Variants in TG observed in about 807,000 individuals in gnomAD.
TG encodes thyroid hormones.
A neutral mutation model predicts 324.7 loss-of-function variants in TG; 270 were observed. That is an observed-to-expected ratio of 0.83 (90% CI 0.75 to 0.92). The LOEUF is 0.92. Among genes scored for constraint, TG ranks in the 40% least tolerant of loss-of-function variants. The pLI is 0.00. For synonymous variants in TG, 1,401 were observed against 1,327.0 expected, an observed-to-expected ratio of 1.06 and a Z score of -1.21; for missense variants, 3,591 against 3,456.4, an observed-to-expected ratio of 1.04 and a Z score of -0.98.
rs1834740501 is a variant in TG at position 133,013,685 on chromosome 8, A to G, written c.6483A>G (p.Gln2161=). Residue 2161 remains glutamine, a synonymous_variant, in exon 37 of 48, where the codon CAA becomes CAG. Coordinates refer to ENST00000220616, the MANE Select transcript of TG (RefSeq NM_003235.5). ...GATGTATGTTCTATGCTGATACTCA[A>G]AGCTGCACACATAGTCTGCAGGGTC... is the stretch of plus-strand genomic sequence containing the variant. The part of the protein sequence containing the change: ...AVRCMFYADT[Q]SCTHSLQGQN... The G allele has an allele frequency of 2.5e-6, 4 of 1,614,084 alleles. No homozygotes were observed. The highest frequency in any genetic ancestry group is 1.7e-5 in the Admixed American group (1 of 60,010).
At chr8:132,932,057 G>A (rs1022638910) in intron 23 of TG, among the ~76,000 whole-genome samples, 1 of 152,186 alleles carries the variant, frequency 6.6e-6, no homozygotes, top group Non-Finnish European at 1.5e-5. Context: ...TCGTGCTAAT[G>A]CACTCCAGCC....
chr8:132,893,480 T>G (rs1359022431), intron 10 of TG, among the ~76,000 whole-genome samples: 1 of 106,828 alleles, frequency 9.4e-6, no homozygotes, highest in African/African-American at 3.7e-5. Flanking sequence ...TGTATGTGTG[T>G]GGTGTGGTGT....
At chr8:132,998,880 A>T (rs1046573087) in intron 35 of TG, among the ~76,000 whole-genome samples, 4 of 152,206 alleles carry the variant, frequency 2.6e-5, no homozygotes, top group Non-Finnish European at 5.9e-5. Context: ...CAGAGTTTCA[A>T]ATGGGCTTCT....
chr8:133,074,908 G>A, intron 41 of TG: 2 of 985,594 alleles, frequency 2.0e-6, no homozygotes, highest in South Asian at 9.4e-5. Flanking sequence ...ATTGCTGGGT[G>A]CAGAGTCACT....
At chr8:133,004,445 C>A (rs1833843675) in intron 35 of TG, among the ~76,000 whole-genome samples, 1 of 152,272 alleles carries the variant, frequency 6.6e-6, no homozygotes, top group Non-Finnish European at 1.5e-5. Flanking sequence ...CCTCTGTAAC[C>A]TTGGGGGTGC....
chr8:132,886,783 C>T lies in TG; in HGVS notation c.1411C>T (p.Leu471Phe). The T allele has an allele frequency of 6.2e-7, 1 of 1,614,198 alleles. No individual in the cohort carries two copies. The highest frequency in any genetic ancestry group is 8.5e-7 in the Non-Finnish European group (1 of 1,180,046). ...CAACCCAAAGAGACTCCAGCAAAAC[C>T]TTTTTGGAGGGAAATTTTTGGTGAA... ...TTNPKRLQQN[L>F]FGGKFLVNVG... The change falls in exon 9 of 48, where the codon CTT becomes TTT. Residue 471 changes from leucine to phenylalanine, a missense_variant. By Grantham distance (22) the Leu-to-Phe change is conservative. Transcript: ENST00000220616.
intron 41 of TG, among the ~76,000 whole-genome samples, chr8:133,042,678 CTTTTT>C (rs58739514): frequency 3.5e-5 from 2 of 56,728 alleles, no homozygotes; most frequent in Admixed American, 2.7e-4. Flanking sequence ...CATTCTGTGT[CTTTTT>C]TTTTTTTTTT....
intron 22 of TG, among the ~76,000 whole-genome samples, chr8:132,927,604 C>A (rs1025659274): frequency 6.6e-6 from 1 of 152,172 alleles, no homozygotes; most frequent in Non-Finnish European, 1.5e-5. Flanking sequence ...TGTTTCTGTT[C>A]TGCTTGGCCA....
intron 34 of TG, among the ~76,000 whole-genome samples, chr8:132,973,988 CTTTTTT>C (rs869164425): frequency 1.8e-5 from 2 of 113,010 alleles, no homozygotes; most frequent in African/African-American, 7.8e-5. Context: ...TTGACCATTC[CTTTTTT>C]TTTTTTTTTT....
At chr8:133,088,198 A>G (rs1021061850) in intron 41 of TG, among the ~76,000 whole-genome samples, 2 of 152,050 alleles carry the variant, frequency 1.3e-5, no homozygotes, top group Non-Finnish European at 2.9e-5. Context: ...CAGACATAAC[A>G]TGGTGTGTTT....
chr8:132,869,828 T>C lies in TG; in HGVS notation c.274+2T>C. The stretch of plus-strand genomic sequence containing the variant: ...GGCAGCCAGGACGGCCTGTGGCTTG[T>C]AAGTGGGAGTGGGGGACGTCCCTTG... On this transcript the variant is annotated splice_donor_variant, in intron 3 of 47. Transcript: ENST00000220616. LOFTEE classifies it high-confidence loss of function. 1.2e-6 allele frequency: 2 copies of C among 1,613,618 alleles called. No homozygotes were observed. The highest frequency in any genetic ancestry group is 1.1e-5 in the South Asian group (1 of 91,062).
intron 23 of TG, among the ~76,000 whole-genome samples, chr8:132,931,063 TA>T (rs1822648469): frequency 6.6e-6 from 1 of 152,210 alleles, no homozygotes; most frequent in Non-Finnish European, 1.5e-5. Flanking sequence ...GATTTTCTTG[TA>T]ATTCTGGAGG....
At chr8:132,967,688 A>T (rs970855818) in intron 30 of TG, 106 bp from the exon 31 acceptor site, 2 of 1,280,806 alleles carry the variant, frequency 1.6e-6, no homozygotes, top group Admixed American at 3.8e-5. Context: ...TGCCCTAACT[A>T]GGAGGGATCT....
chr8:132,868,360 C>G, intron 2 of TG, 137 bp downstream of exon 2: 5 of 815,322 alleles, frequency 6.1e-6, no homozygotes, highest in Non-Finnish European at 1.0e-5. Flanking sequence ...TTTGGAGGTG[C>G]CTGCCTTTCA....
intron 41 of TG, among the ~76,000 whole-genome samples, chr8:133,033,999 G>C (rs891067212): frequency 5.9e-5 from 9 of 152,232 alleles, no homozygotes; most frequent in African/African-American, 1.7e-4. Flanking sequence ...AGTGATGAGA[G>C]AGATGGTGGT....
At chr8:132,978,951 CT>C (rs1328863930) in intron 34 of TG, among the ~76,000 whole-genome samples, 1 of 152,182 alleles carries the variant, frequency 6.6e-6, no homozygotes, top group Non-Finnish European at 1.5e-5. Context: ...AGCCATGGGC[CT>C]TCTGATTCTG....
At chr8:132,896,914 A>G (rs1005753077) in intron 11 of TG, among the ~76,000 whole-genome samples, 1 of 152,210 alleles carries the variant, frequency 6.6e-6, no homozygotes, top group African/African-American at 2.4e-5. Flanking sequence ...GGGGACTGCA[A>G]GAGCTGAGGA....
chr8:132,965,636 C>A (rs1369761506), intron 29 of TG, among the ~76,000 whole-genome samples: 1 of 152,206 alleles, frequency 6.6e-6, no homozygotes, highest in Non-Finnish European at 1.5e-5. Context: ...GGGTCCTTGG[C>A]CCTATAGAAC....
intron 45 of TG, among the ~76,000 whole-genome samples, chr8:133,117,094 T>C (rs10107048): frequency 0.018 from 2,666 of 152,342 alleles, 69 homozygotes; most frequent in African/African-American, 0.059. Flanking sequence ...ATGAAAGTTG[T>C]ATTCATGCTT....
Sources: gnomAD v4.1 joint callset for allele counts (sites outside exome capture counted in the v4.1 genomes callset) on GRCh38, gnomAD v4.1.1 for gene constraint, MANE v1.5 for transcripts, NCBI Gene and HGNC (gene_info 2026-07-23, HGNC 2026-07-21) for gene names.